Variants in KLHL1 observed in about 807,000 individuals in gnomAD.
KLHL1 encodes kelch like family member 1.
A neutral mutation model predicts 77.7 loss-of-function variants in KLHL1; 47 were observed. That is an observed-to-expected ratio of 0.60 (90% CI 0.48 to 0.77). KLHL1 has a LOEUF of 0.77. Ranked by LOEUF, KLHL1 falls within the 30% of genes least tolerant of loss-of-function variation. The probability of loss-of-function intolerance (pLI) is 0.00; values close to 1 mark genes in which losing one functional copy is unlikely to be tolerated. For missense variants in KLHL1, 925 were observed against 910.8 expected, an observed-to-expected ratio of 1.02 and a Z score of -0.20; for synonymous variants, 360 against 325.2, an observed-to-expected ratio of 1.11 and a Z score of -1.15.
chr13:69,961,546 A>G (rs535979097), intron 2 of KLHL1, 102 bp from the exon 3 acceptor site: 12 of 1,221,236 alleles, frequency 9.8e-6, no homozygotes, highest in Non-Finnish European at 1.3e-5. Flanking sequence ...CTATTGATCA[A>G]TCAATTAATG....
In KLHL1 at chr13:69,707,779, T is replaced by C; in HGVS notation, c.2033A>G (p.Asp678Gly). 1 of 1,612,372 alleles carries C rather than the reference T, an allele frequency of 6.2e-7. No homozygotes were observed. Residue 678 changes from aspartate to glycine, a missense_variant, in exon 10 of 11, where the codon GAC becomes GGC. Transcript: ENST00000377844. The part of the protein sequence containing the change: ...DYVERYDPKT[D>G]TWTMVAPLSM... The stretch of plus-strand genomic sequence containing the variant: ...CAAAGGAGCCACCATGGTCCAAGTG[T>C]CTGTTTTGGGATCATATCTAAAATT...
chr13:69,994,488 A>G (rs1378002821), intron 1 of KLHL1, among the ~76,000 whole-genome samples: 1 of 152,132 alleles, frequency 6.6e-6, no homozygotes, highest in Non-Finnish European at 1.5e-5. Flanking sequence ...CTGTCCTCCT[A>G]TGCTTCATTC....
chr13:70,025,562 A>C (rs1000732095), intron 1 of KLHL1, among the ~76,000 whole-genome samples: 3 of 151,844 alleles, frequency 2.0e-5, no homozygotes, highest in Non-Finnish European at 4.4e-5. Context: ...GTTTCCCCCA[A>C]AGTATTTGTA....
In KLHL1 at chr13:69,740,445, G is replaced by A. The variant is rs1328808317; in HGVS notation, c.1751C>T (p.Ala584Val). 1.2e-6 allele frequency: 2 copies of A among 1,611,898 alleles called. No individual in the cohort carries two copies. Among genetic ancestry groups the A allele is most frequent in the Non-Finnish European group, 1.7e-6 (2 of 1,178,494 alleles). ...DPQSQQWTFVASMSIARSTVG... is the reference protein window; with the variant it reads ...DPQSQQWTFVVSMSIARSTVG... ...TGTGCTCCGAGCAATTGACATACTG[G>A]CTACAAATGTCCATTGTTGACTCTG... The change falls in exon 8 of 11, where the codon GCC becomes GTC. Residue 584 changes from alanine (A) to valine (V), a missense_variant. By Grantham distance (64) the Ala-to-Val change is moderately conservative (BLOSUM62 0). Coordinates refer to ENST00000377844, the MANE Select transcript of KLHL1 (RefSeq NM_020866.3).
At chr13:69,874,837 G>A (rs537967397) in intron 5 of KLHL1, among the ~76,000 whole-genome samples, 116 of 152,110 alleles carry the variant, frequency 7.6e-4, no homozygotes, top group Admixed American at 7.6e-3. Flanking sequence ...AAGTAGCTTT[G>A]GGGTAAATGA....
At chr13:70,065,115 C>T (rs145268047) in intron 1 of KLHL1, among the ~76,000 whole-genome samples, 17 of 152,172 alleles carry the variant, frequency 1.1e-4, no homozygotes, top group African/African-American at 4.1e-4. Context: ...AAGACCAGAG[C>T]CCCCAGGAAC....
intron 1 of KLHL1, among the ~76,000 whole-genome samples, chr13:70,094,482 A>C (rs187707319): frequency 4.6e-5 from 7 of 151,438 alleles, no homozygotes; most frequent in Non-Finnish European, 7.4e-5. Flanking sequence ...AAAAGCAAAA[A>C]GTGTGTCTCA....
intron 5 of KLHL1, among the ~76,000 whole-genome samples, chr13:69,847,416 A>AAAAAAAC (rs1566319901): frequency 6.6e-6 from 1 of 151,130 alleles, no homozygotes; most frequent in African/African-American, 2.4e-5. Context: ...AAAAAAAAAA[A>AAAAAAAC]AAAAAAAAAA....
chr13:69,941,111 G>A (rs1883353239), intron 3 of KLHL1, among the ~76,000 whole-genome samples: 1 of 151,822 alleles, frequency 6.6e-6, no homozygotes, highest in African/African-American at 2.4e-5. Context: ...AAAACAAATG[G>A]ATTTAACAAA....
intron 3 of KLHL1, among the ~76,000 whole-genome samples, chr13:69,954,575 G>A (rs1419346624): frequency 6.6e-6 from 1 of 151,184 alleles, no homozygotes; most frequent in Non-Finnish European, 1.5e-5. Context: ...AAATAACTGT[G>A]ACTTACACTG....
At chr13:69,813,700 G>T (rs1245372171) in intron 6 of KLHL1, among the ~76,000 whole-genome samples, 1 of 152,088 alleles carries the variant, frequency 6.6e-6, no homozygotes, top group Non-Finnish European at 1.5e-5. Context: ...CCAAGGAGAT[G>T]AAAGATATCT....
chr13:70,104,235 T>C (rs1394761046), intron 1 of KLHL1, among the ~76,000 whole-genome samples: 1 of 152,150 alleles, frequency 6.6e-6, no homozygotes, highest in Non-Finnish European at 1.5e-5. Context: ...CAGTGAACTA[T>C]TATAGGAAAA....
intron 1 of KLHL1, among the ~76,000 whole-genome samples, chr13:70,083,135 AGAGTT>A (rs1168043515): frequency 1.3e-5 from 2 of 152,206 alleles, no homozygotes; most frequent in African/African-American, 4.8e-5. Flanking sequence ...AAAAAATCCT[AGAGTT>A]AAGTTCTTAT....
At chr13:70,039,055 CATT>C (rs1252819535) in intron 1 of KLHL1, among the ~76,000 whole-genome samples, 2 of 127,072 alleles carry the variant, frequency 1.6e-5, no homozygotes, top group African/African-American at 3.3e-5. Context: ...ATCCTTTGCA[CATT>C]TTTTTTTTTT....
intron 1 of KLHL1, among the ~76,000 whole-genome samples, chr13:70,049,052 C>A (rs1339780897): frequency 6.6e-6 from 1 of 152,144 alleles, no homozygotes; most frequent in African/African-American, 2.4e-5. Context: ...TCATTGAATG[C>A]ACTATCTTTA....
chr13:69,827,740 A>AAAG (rs1402185332), intron 6 of KLHL1, among the ~76,000 whole-genome samples: 4 of 147,252 alleles, frequency 2.7e-5, no homozygotes, highest in African/African-American at 1.1e-4. Flanking sequence ...AAAAAAAAAA[A>AAAG]AAAAAAAAAA....
chr13:69,938,132 T>G (rs1883242157), intron 4 of KLHL1, among the ~76,000 whole-genome samples: 1 of 152,138 alleles, frequency 6.6e-6, no homozygotes, highest in Non-Finnish European at 1.5e-5. Context: ...AAATATGTGA[T>G]GATAAATCAC....
At chr13:69,786,960 A>T (rs759320323) in intron 7 of KLHL1, among the ~76,000 whole-genome samples, 27 of 152,226 alleles carry the variant, frequency 1.8e-4, no homozygotes, top group Non-Finnish European at 3.4e-4. Flanking sequence ...GATGTGAAGG[A>T]CCTCTTCAAG....
At chr13:69,824,878 T>G (rs1326566804) in intron 6 of KLHL1, among the ~76,000 whole-genome samples, 1 of 152,032 alleles carries the variant, frequency 6.6e-6, no homozygotes, top group Non-Finnish European at 1.5e-5. Flanking sequence ...CCACTTAAGA[T>G]TTGCACATCT....
Sources: gnomAD v4.1 joint callset for allele counts (sites outside exome capture counted in the v4.1 genomes callset) on GRCh38, gnomAD v4.1.1 for gene constraint, MANE v1.5 for transcripts, NCBI Gene and HGNC (gene_info 2026-07-23, HGNC 2026-07-21) for gene names.